The following NDUFAF1 variants were observed in gnomAD, a reference collection of about 807,000 sequenced individuals.
NDUFAF1 encodes complex I intermediate-associated protein 30, mitochondrial.
Under a neutral mutation model 28.7 loss-of-function variants are expected in NDUFAF1, and 18 were observed. The ratio of observed to expected loss-of-function variants is 0.63; its 90% CI spans 0.43 to 0.93. The LOEUF (loss-of-function observed/expected upper bound fraction) is 0.93, where lower values mean the gene tolerates loss of function less well. Ranked by LOEUF, NDUFAF1 falls within the 40% of genes least tolerant of loss-of-function variation. NDUFAF1 has a pLI of 0.00. For synonymous variants in NDUFAF1, 113 were observed against 139.7 expected (o/e 0.81, Z 1.35); for missense variants, 404 against 398.3 (o/e 1.01, Z -0.12).
chr15:41,402,462 G>C lies in NDUFAF1; in HGVS notation c.-400C>G, dbSNP rs1418639468. 2.5e-6 allele frequency: 1 copy of C among 400,656 alleles called. No homozygotes were observed. Among genetic ancestry groups the C allele is most frequent in the Non-Finnish European group, 5.0e-6 (1 of 198,658 alleles). The allele number at this position is 400,656 out of a possible 1,614,324, so 24.8% of individuals were successfully genotyped here. On this transcript the variant is annotated 5_prime_UTR_variant, in exon 1 of 5. Coordinates refer to ENST00000260361, the MANE Select transcript of NDUFAF1 (RefSeq NM_016013.4). ...CGCCGCTTACCTCCCCGAGCCTATA[G>C]TGTACCTTCCGCCCAGAAGCCACTT...
intron 1 of NDUFAF1, among the ~76,000 whole-genome samples, chr15:41,399,194 G>C (rs1368960092): frequency 6.6e-6 from 1 of 151,908 alleles, no homozygotes; most frequent in African/African-American, 2.4e-5. Flanking sequence ...TAGGACAGGA[G>C]TTCAAGACCA....
chr15:41,396,339 G>C, intron 2 of NDUFAF1, 148 bp downstream of exon 2: 1 of 750,294 alleles, frequency 1.3e-6, no homozygotes, highest in Non-Finnish European at 2.2e-6. Context: ...TGTGCCAATA[G>C]TTACTTATCC....
In NDUFAF1 at chr15:41,402,310, C is replaced by A. The variant is rs1173373883; in HGVS notation, c.-248G>T. 1 of 454,100 alleles carries A rather than the reference C, an allele frequency of 2.2e-6. No homozygotes were observed. Among genetic ancestry groups the A allele is most frequent in the Admixed American group, 2.3e-5 (1 of 42,562 alleles). The allele number at this position is 454,100 out of a possible 1,614,324, so 28.1% of individuals were successfully genotyped here. ...CAAAATTCTTCCGCCTTGGCGTATA[C>A]CTCCCGCACTCACGGCCTGGCCTCC... On this transcript the variant is annotated 5_prime_UTR_variant, in exon 1 of 5. Transcript: ENST00000260361.
At chr15:41,390,899 G>A (rs1407219161) in intron 3 of NDUFAF1, among the ~76,000 whole-genome samples, 1 of 151,902 alleles carries the variant, frequency 6.6e-6, no homozygotes, top group African/African-American at 2.4e-5. Flanking sequence ...GGGCGTGGTG[G>A]TGGGCACCTG....
intron 4 of NDUFAF1, 63 bp downstream of exon 4, chr15:41,388,384 TC>T (rs1238181061): frequency 8.0e-7 from 1 of 1,244,990 alleles, no homozygotes; most frequent in Non-Finnish European, 1.2e-6. Flanking sequence ...GAACTCAGTC[TC>T]CCCAGAGTTC....
In NDUFAF1 at chr15:41,402,227, G is replaced by T; in HGVS notation, c.-165C>A. The T allele has an allele frequency of 2.2e-6, 1 of 454,112 alleles. No individual in the cohort carries two copies. Among genetic ancestry groups the T allele is most frequent in the Non-Finnish European group, 4.4e-6 (1 of 226,792 alleles). 28.1% of individuals were successfully genotyped at this position (454,112 alleles called of 1,614,324 possible). ...GTACTATTATTATTTCAATTATAGAGACGAAGAAACTGACGTTCCAAGGCT... is the reference window on the plus strand; with the variant it reads ...GTACTATTATTATTTCAATTATAGATACGAAGAAACTGACGTTCCAAGGCT... On this transcript the variant is annotated 5_prime_UTR_variant, in exon 1 of 5. Coordinates refer to ENST00000260361, the MANE Select transcript of NDUFAF1 (RefSeq NM_016013.4).
intron 1 of NDUFAF1, among the ~76,000 whole-genome samples, chr15:41,397,877 T>A (rs541799475): frequency 6.7e-6 from 1 of 150,328 alleles, no homozygotes; most frequent in African/African-American, 2.4e-5. Flanking sequence ...ATACAAAACT[T>A]AGCTGGGTGT....
In NDUFAF1 at chr15:41,402,378, C is replaced by G. The variant is rs1297556022; in HGVS notation, c.-316G>C. ...CCGCGCTGGGGAGGCCCCCTCAACCCTCAAGTGCCAGGGCTCTGTCGCCTC... is the reference window on the plus strand; with the variant it reads ...CCGCGCTGGGGAGGCCCCCTCAACCGTCAAGTGCCAGGGCTCTGTCGCCTC... On this transcript the variant is annotated 5_prime_UTR_variant, in exon 1 of 5. Transcript: ENST00000260361. 2.2e-6 allele frequency: 1 copy of G among 452,760 alleles called. No homozygotes were observed. The highest frequency in any genetic ancestry group is 4.4e-6 in the Non-Finnish European group (1 of 225,602). The allele number at this position is 452,760 out of a possible 1,614,324, so 28.0% of individuals were successfully genotyped here. A position where few individuals can be genotyped will look rare whatever the true frequency, so the allele number is the denominator to read the frequency against.
chr15:41,394,403 C>T (rs1395243239), intron 3 of NDUFAF1: 1 of 1,288,170 alleles, frequency 7.8e-7, no homozygotes, highest in South Asian at 1.2e-5. Context: ...ACAAACAAAC[C>T]CCATCTATTT....
At chr15:41,397,854 G>A (rs1459923574) in intron 1 of NDUFAF1, among the ~76,000 whole-genome samples, 14 of 147,216 alleles carry the variant, frequency 9.5e-5, no homozygotes, top group Admixed American at 6.8e-4. Context: ...GTGAAACCCC[G>A]TCTCTACTAA....
At chr15:41,390,618 A>C (rs1479126867) in intron 3 of NDUFAF1, among the ~76,000 whole-genome samples, 1 of 151,640 alleles carries the variant, frequency 6.6e-6, no homozygotes, top group African/African-American at 2.4e-5. Flanking sequence ...CCAGCTACTC[A>C]GGAGGCTGAG....
intron 1 of NDUFAF1, among the ~76,000 whole-genome samples, chr15:41,398,283 G>C (rs1250659254): frequency 6.0e-5 from 9 of 151,116 alleles, no homozygotes; most frequent in African/African-American, 2.2e-4. Context: ...CCTGAGGTAA[G>C]GAGTTCGAGA....
At chr15:41,390,268 G>A (rs1317971909) in intron 3 of NDUFAF1, among the ~76,000 whole-genome samples, 2 of 152,038 alleles carry the variant, frequency 1.3e-5, no homozygotes, top group Admixed American at 6.6e-5. Context: ...AGCCAAAATT[G>A]TTGTCTACTT....
intron 1 of NDUFAF1, among the ~76,000 whole-genome samples, chr15:41,398,035 A>C (rs989957489): frequency 2.0e-5 from 3 of 150,726 alleles, no homozygotes; most frequent in East Asian, 1.9e-4. Flanking sequence ...AAAAAAAAAA[A>C]AAAAAAAAAC....
At chr15:41,390,876 C>A (rs1286446974) in intron 3 of NDUFAF1, among the ~76,000 whole-genome samples, 1 of 151,668 alleles carries the variant, frequency 6.6e-6, no homozygotes, top group Non-Finnish European at 1.5e-5. Context: ...ACTAAAAATA[C>A]AAAAAATTAG....
At chr15:41,389,125 C>A (rs1048930532) in intron 3 of NDUFAF1, among the ~76,000 whole-genome samples, 2 of 152,060 alleles carry the variant, frequency 1.3e-5, no homozygotes, top group African/African-American at 4.8e-5. Context: ...CTCTGTTACC[C>A]AGGCTGGAGT....
At chr15:41,392,232 G>A (rs2050325589) in intron 3 of NDUFAF1, among the ~76,000 whole-genome samples, 2 of 151,808 alleles carry the variant, frequency 1.3e-5, no homozygotes, top group African/African-American at 4.8e-5. Flanking sequence ...GCCACCACCT[G>A]CTGCTAATTT....
At chr15:41,400,712 G>GTTTTTTT (rs1566827639) in intron 1 of NDUFAF1, among the ~76,000 whole-genome samples, 2 of 126,090 alleles carry the variant, frequency 1.6e-5, no homozygotes, top group Non-Finnish European at 1.6e-5. Context: ...TTTTTTTTTG[G>GTTTTTTT]ATTTTTAATA....
intron 3 of NDUFAF1, among the ~76,000 whole-genome samples, chr15:41,393,360 T>C (rs2050339246): frequency 6.7e-6 from 1 of 149,946 alleles, no homozygotes; most frequent in South Asian, 2.1e-4. Context: ...TGGCACGATC[T>C]GCAAGCTCTG....
Sources: allele counts gnomAD v4.1 joint callset (sites outside exome capture counted in the v4.1 genomes callset), GRCh38; gene constraint gnomAD v4.1.1; transcripts MANE v1.5; gene names NCBI Gene and HGNC (gene_info 2026-07-23, HGNC 2026-07-21).